Variants in C10orf90 observed in about 807,000 individuals in gnomAD.
C10orf90 encodes chromosome 10 open reading frame 90.
C10orf90 carries 56 observed loss-of-function variants against 62.5 expected under a neutral mutation model. The ratio of observed to expected loss-of-function variants is 0.90; its 90% CI spans 0.72 to 1.12. The LOEUF (loss-of-function observed/expected upper bound fraction) is 1.12. C10orf90 is among the 50% of genes most tolerant of loss of function. The probability of loss-of-function intolerance (pLI) is 0.00; values close to 1 mark genes in which losing one functional copy is unlikely to be tolerated. For missense variants in C10orf90, 970 were observed against 880.4 expected, an observed-to-expected ratio of 1.10 and a Z score of -1.29; for synonymous variants, 386 against 340.4, an observed-to-expected ratio of 1.13 and a Z score of -1.47.
At chr10:126,600,104 C>A (rs1028234406) in intron 2 of C10orf90, among the ~76,000 whole-genome samples, 1 of 149,630 alleles carries the variant, frequency 6.7e-6, no homozygotes, top group Non-Finnish European at 1.5e-5. Flanking sequence ...TGCTTGTGTG[C>A]GTGCATGCGT....
At chr10:126,429,969 G>C (rs1857477558) in intron 7 of C10orf90, 119 bp from the exon 8 acceptor site, 1 of 891,780 alleles carries the variant, frequency 1.1e-6, no homozygotes, top group Non-Finnish European at 1.8e-6. Context: ...CATATCCTGA[G>C]TCTAAGCAGA....
At chr10:126,488,085 GAAGGATCAAAAGAAAAAGAGGT>G (rs1487599861) in intron 4 of C10orf90, among the ~76,000 whole-genome samples, 1 of 151,984 alleles carries the variant, frequency 6.6e-6, no homozygotes, top group Non-Finnish European at 1.5e-5. Context: ...TCGATACAAG[GAAGGATCAAAAGAAAAAGAGGT>G]AAGACAAATA....
At chr10:126,667,549 G>A (rs1846656392) in intron 1 of C10orf90, among the ~76,000 whole-genome samples, 2 of 152,182 alleles carry the variant, frequency 1.3e-5, no homozygotes, top group African/African-American at 4.8e-5. Flanking sequence ...CTTAGCTGAT[G>A]CATCTCAGCC....
intron 7 of C10orf90, among the ~76,000 whole-genome samples, chr10:126,446,578 A>G (rs945552558): frequency 1.3e-5 from 2 of 152,168 alleles, no homozygotes; most frequent in Admixed American, 1.3e-4. Flanking sequence ...TGTCAAAAAA[A>G]ACAAAAGCTA....
chr10:126,566,246 A>G (rs890058776), intron 2 of C10orf90, among the ~76,000 whole-genome samples: 3 of 152,258 alleles, frequency 2.0e-5, no homozygotes, highest in Non-Finnish European at 2.9e-5. Flanking sequence ...GGAGGTAGCT[A>G]TGATTGAAAG....
At chr10:126,499,212 C>A (rs1200282846) in intron 4 of C10orf90, among the ~76,000 whole-genome samples, 1 of 152,144 alleles carries the variant, frequency 6.6e-6, no homozygotes, top group Non-Finnish European at 1.5e-5. Flanking sequence ...GTGACAGCCC[C>A]AGACAGAACA....
intron 4 of C10orf90, among the ~76,000 whole-genome samples, chr10:126,471,996 GA>G (rs1564816532): frequency 1.3e-5 from 2 of 152,066 alleles, no homozygotes; most frequent in Non-Finnish European, 2.9e-5. Context: ...ACTACATTGC[GA>G]ACATGATCAA....
chr10:126,572,290 T>C (rs1424900960), intron 2 of C10orf90, among the ~76,000 whole-genome samples: 1 of 152,182 alleles, frequency 6.6e-6, no homozygotes, highest in Non-Finnish European at 1.5e-5. Flanking sequence ...AAACGGGTCC[T>C]GATCCAGATC....
chr10:126,433,635 CT>C (rs1293136092), intron 7 of C10orf90, among the ~76,000 whole-genome samples: 4 of 152,130 alleles, frequency 2.6e-5, no homozygotes, highest in Non-Finnish European at 4.4e-5. Flanking sequence ...GCGCAATTGC[CT>C]TCAGGATATG....
intron 2 of C10orf90, among the ~76,000 whole-genome samples, chr10:126,554,471 G>A (rs1186809400): frequency 6.6e-6 from 1 of 152,140 alleles, no homozygotes; most frequent in Non-Finnish European, 1.5e-5. Flanking sequence ...GATTATAGAA[G>A]TATACACATT....
rs1246643189 is a variant in C10orf90 at position 126,461,593 on chromosome 10, A to T, written c.1826-8T>A. 6.2e-7 allele frequency: 1 copy of T among 1,609,586 alleles called. No individual in the cohort carries two copies. Among genetic ancestry groups the T allele is most frequent in the Non-Finnish European group, 8.5e-7 (1 of 1,178,778 alleles). ...CACAGCATGTGTAATCTCCTAGGAG[A>T]GAAGATTTAGAATCCCATTTAGAGG... is the stretch of plus-strand genomic sequence containing the variant. On this transcript the variant is annotated splice_region_variant and splice_polypyrimidine_tract_variant and intron_variant, in intron 5 of 9. Coordinates refer to ENST00000488181, the MANE Select transcript of C10orf90 (RefSeq NM_001350921.2).
At chr10:126,430,013 T>C (rs1189710955) in intron 7 of C10orf90, among the ~76,000 whole-genome samples, 163 bp from the exon 8 acceptor site, 1 of 152,246 alleles carries the variant, frequency 6.6e-6, no homozygotes, top group East Asian at 1.9e-4. Context: ...TAAGTGGTTG[T>C]ATTGACAATG....
chr10:126,597,856 T>A (rs917835608), intron 2 of C10orf90, among the ~76,000 whole-genome samples: 1 of 152,198 alleles, frequency 6.6e-6, no homozygotes, highest in Non-Finnish European at 1.5e-5. Context: ...TCTATGTGTG[T>A]CATCTGAGCC....
At chr10:126,542,378 C>G in intron 2 of C10orf90, among the ~76,000 whole-genome samples, 1 of 152,060 alleles carries the variant, frequency 6.6e-6, no homozygotes, top group Non-Finnish European at 1.5e-5. Context: ...TGGCAGGCAC[C>G]TGTAATCCCA....
Position 126,616,238 on chromosome 10 carries a change from A to G in C10orf90, c.313+30327T>C, listed in dbSNP as rs186319736. Among the ~76,000 whole-genome samples the G allele has an allele frequency of 8.5e-4, 130 of 152,256 alleles. 1 individual carries two copies. The highest frequency in any genetic ancestry group is 1.2e-3 in the Non-Finnish European group (85 of 68,028). On this transcript the variant is annotated intron_variant, in intron 2 of 9. Coordinates refer to ENST00000488181, the MANE Select transcript of C10orf90 (RefSeq NM_001350921.2). ...ACATCCATCTGCCTCGTATTTATTG[A>G]ACATAATAATCAAGAGTGTACTACC...
At chr10:126,572,101 C>A (rs1260275824) in intron 2 of C10orf90, among the ~76,000 whole-genome samples, 1 of 152,118 alleles carries the variant, frequency 6.6e-6, no homozygotes, top group African/African-American at 2.4e-5. Context: ...GGGCTGTATT[C>A]CCAGGAGGTT....
chr10:126,666,097 C>T (rs1846621814), intron 1 of C10orf90, among the ~76,000 whole-genome samples: 1 of 152,138 alleles, frequency 6.6e-6, no homozygotes, highest in Non-Finnish European at 1.5e-5. Flanking sequence ...GGTTTCTAGG[C>T]CTCAACACCA....
rs145256653 is a variant in C10orf90 at position 126,491,229 on chromosome 10, A to G, written c.1534+12728T>C. ...TTAGCCTGAGTGAAAGAAATCATACACAAAAGAGTATGCTCAATTTGCTTC... is the reference window on the plus strand; with the variant it reads ...TTAGCCTGAGTGAAAGAAATCATACGCAAAAGAGTATGCTCAATTTGCTTC... On this transcript the variant is annotated intron_variant, in intron 4 of 9. Coordinates refer to ENST00000488181, the MANE Select transcript of C10orf90 (RefSeq NM_001350921.2). Among the ~76,000 whole-genome samples, 1,117 of 152,366 alleles carry G rather than the reference A, an allele frequency of 7.3e-3. 12 individuals are homozygous for G. Among genetic ancestry groups the G allele is most frequent in the African/African-American group, 0.026 (1,064 of 41,594 alleles).
intron 2 of C10orf90, among the ~76,000 whole-genome samples, chr10:126,622,704 CCCTGAAA>C (rs1455440076): frequency 6.6e-6 from 1 of 152,192 alleles, no homozygotes; most frequent in African/African-American, 2.4e-5. Context: ...GTCTCCATTC[CCCTGAAA>C]CCTGAATGAC....
Sources: gnomAD v4.1 joint callset for allele counts (sites outside exome capture counted in the v4.1 genomes callset) on GRCh38, gnomAD v4.1.1 for gene constraint, MANE v1.5 for transcripts, NCBI Gene and HGNC (gene_info 2026-07-23, HGNC 2026-07-21) for gene names.